TBC1D22A: variants seen among roughly 807,000 people sequenced by gnomAD.
The protein encoded by TBC1D22A is putative GTPase activator.
A neutral mutation model predicts 60.2 loss-of-function variants in TBC1D22A; 38 were observed. That is an observed-to-expected ratio of 0.63 (90% confidence interval 0.49 to 0.83). TBC1D22A has a LOEUF of 0.83. TBC1D22A is among the 40% of genes least tolerant of loss of function. The pLI, the probability that TBC1D22A is intolerant of heterozygous loss-of-function variation, is 0.00. For synonymous variants in TBC1D22A, 302 were observed against 281.7 expected (o/e 1.07, Z -0.72); for missense variants, 628 against 701.0 (o/e 0.90, Z 1.18).
At position 46,951,392 on chromosome 22, in the gene TBC1D22A, C is replaced by T. The variant is rs570921522; in HGVS notation, c.1016-22898C>T. Among the ~76,000 whole-genome samples the T allele has an allele frequency of 1.1e-4, 17 of 152,234 alleles. No homozygotes were observed. The East Asian group carries it at 3.3e-3, about 29-fold the overall frequency. On this transcript the variant is annotated intron_variant, in intron 8 of 12. Transcript: ENST00000337137. ...CGGGCAGCAGTGTCTAATTTTGGGCCTTCACAGTCAGTTTCGCGATTCATG... is the reference window on the plus strand; with the variant it reads ...CGGGCAGCAGTGTCTAATTTTGGGCTTTCACAGTCAGTTTCGCGATTCATG...
intron 4 of TBC1D22A, among the ~76,000 whole-genome samples, chr22:46,874,655 C>CCTCCACCT (rs2067459066): frequency 6.8e-6 from 1 of 147,794 alleles, no homozygotes; most frequent in African/African-American, 2.5e-5. Flanking sequence ...CTCACTGCAG[C>CCTCCACCT]CTCCACCTCT....
intron 8 of TBC1D22A, among the ~76,000 whole-genome samples, chr22:46,962,499 A>G (rs551575114): frequency 1.3e-5 from 2 of 152,336 alleles, no homozygotes; most frequent in African/African-American, 2.4e-5. Context: ...TTCACTTGAG[A>G]TGTTTGTCTT....
At chr22:46,894,984 C>T (rs1316299086) in intron 7 of TBC1D22A, 138 bp downstream of exon 7, 1 of 808,546 alleles carries the variant, frequency 1.2e-6, no homozygotes, top group Admixed American at 2.0e-5. Flanking sequence ...GCATCTAGCC[C>T]TTGTGGACAC....
chr22:47,167,013 A>T (rs2068234331), intron 12 of TBC1D22A, among the ~76,000 whole-genome samples: 2 of 152,214 alleles, frequency 1.3e-5, no homozygotes, highest in African/African-American at 4.8e-5. Flanking sequence ...CAGACCCTAT[A>T]CTTCTTTTAT....
chr22:46,791,264 C>T (rs1009542374), intron 1 of TBC1D22A, among the ~76,000 whole-genome samples: 22 of 152,216 alleles, frequency 1.4e-4, no homozygotes, highest in African/African-American at 3.9e-4. Flanking sequence ...TCAAGCGATC[C>T]GCCCACCTCG....
intron 7 of TBC1D22A, among the ~76,000 whole-genome samples, chr22:46,911,602 A>ATT (rs534456431): frequency 6.6e-6 from 1 of 151,934 alleles, no homozygotes; most frequent in African/African-American, 2.4e-5. Context: ...ACAATAAATA[A>ATT]TTTTTTTTAA....
intron 5 of TBC1D22A, among the ~76,000 whole-genome samples, chr22:46,887,602 T>C (rs888984223): frequency 4.6e-5 from 7 of 152,184 alleles, no homozygotes; most frequent in African/African-American, 1.2e-4. Context: ...TGTTACGCGT[T>C]ATAACATGAA....
intron 8 of TBC1D22A, among the ~76,000 whole-genome samples, chr22:46,937,450 T>A (rs1450754752): frequency 3.9e-5 from 6 of 152,202 alleles, no homozygotes; most frequent in African/African-American, 1.4e-4. Flanking sequence ...CTGATGCTGG[T>A]GTCAACAAAC....
At chr22:46,883,458 C>T (rs1026117733) in intron 5 of TBC1D22A, among the ~76,000 whole-genome samples, 1 of 152,208 alleles carries the variant, frequency 6.6e-6, no homozygotes, top group Non-Finnish European at 1.5e-5. Flanking sequence ...CCTCAACTTG[C>T]ATATGTGTGT....
intron 12 of TBC1D22A, among the ~76,000 whole-genome samples, chr22:47,128,703 A>T (rs2066579971): frequency 6.6e-6 from 1 of 152,082 alleles, no homozygotes; most frequent in African/African-American, 2.4e-5. Flanking sequence ...GAGCAGCTGG[A>T]ACCCAAGCCC....
intron 8 of TBC1D22A, among the ~76,000 whole-genome samples, chr22:46,961,674 C>G (rs2148058065): frequency 6.6e-6 from 1 of 152,218 alleles, no homozygotes; most frequent in South Asian, 2.1e-4. Flanking sequence ...TGATGGAGAC[C>G]AGGATTTGAA....
chr22:46,772,174 T>C (rs13056178), intron 1 of TBC1D22A, among the ~76,000 whole-genome samples: 837 of 1,396 alleles, frequency 0.6, 146 homozygotes, highest in African/African-American at 0.61. Context: ...TACACACATA[T>C]ACATATATAT....
chr22:46,845,020 G>A (rs1478858621), intron 4 of TBC1D22A, among the ~76,000 whole-genome samples: 1 of 152,194 alleles, frequency 6.6e-6, no homozygotes, highest in Non-Finnish European at 1.5e-5. Flanking sequence ...GTGGGCCCTG[G>A]TGTTTCTTGG....
intron 8 of TBC1D22A, among the ~76,000 whole-genome samples, chr22:46,941,709 AATATATATACG>A (rs1222630516): frequency 2.3e-4 from 33 of 145,016 alleles, no homozygotes; most frequent in African/African-American, 8.0e-4. Context: ...ATATATGCGG[AATATATATACG>A]CGGAATGTAT....
intron 11 of TBC1D22A, among the ~76,000 whole-genome samples, chr22:47,094,151 G>A (rs138495807): frequency 1.3e-3 from 204 of 152,286 alleles, no homozygotes; most frequent in Non-Finnish European, 2.5e-3. Context: ...TCATTGTCCG[G>A]ATCTGGTGAG....
chr22:46,932,634 C>T lies in TBC1D22A; in HGVS notation c.1015+20446C>T, dbSNP rs183921656. ...GGAGCCTTGGGTGGGTGGCAAGGGG[C>T]GATCGCGGTGGAGATGACTCCTTCT... On this transcript the variant is annotated intron_variant, in intron 8 of 12. Coordinates refer to ENST00000337137, the MANE Select transcript of TBC1D22A (RefSeq NM_014346.5). Among the ~76,000 whole-genome samples, 188 of 150,432 alleles carry T rather than the reference C, an allele frequency of 1.2e-3. 3 individuals carry two copies. The highest frequency in any genetic ancestry group is 1.5e-4 in the Non-Finnish European group (10 of 67,644).
At position 46,762,798 on chromosome 22, in the gene TBC1D22A, C is replaced by T; in HGVS notation, c.12C>T (p.Asp4=). The T allele has an allele frequency of 6.9e-7, 1 of 1,451,798 alleles. No homozygotes were observed. The highest frequency in any genetic ancestry group is 9.0e-7 in the Non-Finnish European group (1 of 1,110,220). The allele number at this position is 1,451,798 out of a possible 1,614,324, so 89.9% of individuals were successfully genotyped here. A position where few individuals can be genotyped will look rare whatever the true frequency, so the allele number is the denominator to read the frequency against. Residue 4 remains aspartate, a synonymous_variant, in exon 1 of 13, where the codon GAC becomes GAT. Transcript: ENST00000337137. The part of the protein sequence containing the change: MAS[D]GARKQFWKRS... ...GATGAGGAGGGGCCATGGCCAGCGA[C>T]GGGGCCAGGAAGCAATTCTGGAAGC...
chr22:47,022,697 G>A (rs1197418907), intron 10 of TBC1D22A, among the ~76,000 whole-genome samples: 1 of 152,242 alleles, frequency 6.6e-6, no homozygotes, highest in African/African-American at 2.4e-5. Context: ...AAGCCTCAGA[G>A]CCCTTACAGG....
chr22:47,108,317 A>C (rs2065714245), intron 11 of TBC1D22A, among the ~76,000 whole-genome samples: 1 of 152,244 alleles, frequency 6.6e-6, no homozygotes, highest in South Asian at 2.1e-4. Flanking sequence ...TCAACAGATG[A>C]ATGGATAAAC....
Sources: allele counts gnomAD v4.1 joint callset (sites outside exome capture counted in the v4.1 genomes callset), GRCh38; gene constraint gnomAD v4.1.1; transcripts MANE v1.5; gene names NCBI Gene and HGNC (gene_info 2026-07-23, HGNC 2026-07-21).